Variants in AKAP6 observed in about 807,000 individuals in gnomAD.
The protein encoded by AKAP6 is A-kinase anchoring protein 6.
AKAP6 carries 58 observed loss-of-function variants against 188.5 expected under a neutral mutation model. The observed-to-expected ratio is 0.31, with a 90% CI of 0.25 to 0.38. AKAP6 has a LOEUF of 0.38. AKAP6 is among the 10% of genes least tolerant of loss of function. The probability of loss-of-function intolerance (pLI) is 1.00; values close to 1 mark genes in which losing one functional copy is unlikely to be tolerated. For synonymous variants in AKAP6, 989 were observed against 998.6 expected (o/e 0.99, Z 0.18); for missense variants, 2,710 against 2,740.0 (o/e 0.99, Z 0.24).
chr14:32,743,511 C>T (rs2031765903), intron 11 of AKAP6, among the ~76,000 whole-genome samples: 1 of 151,976 alleles, frequency 6.6e-6, no homozygotes, highest in Admixed American at 6.6e-5. Flanking sequence ...TAGTTTCTTG[C>T]TTTTCATTGT....
intron 4 of AKAP6, among the ~76,000 whole-genome samples, chr14:32,562,077 A>G (rs899302223): frequency 2.0e-5 from 3 of 152,150 alleles, no homozygotes; most frequent in Non-Finnish European, 2.9e-5. Flanking sequence ...GCTGCCTGTA[A>G]TATCTGCTTC....
intron 1 of AKAP6, among the ~76,000 whole-genome samples, chr14:32,364,178 A>G (rs946894513): frequency 2.0e-5 from 3 of 152,244 alleles, no homozygotes; most frequent in African/African-American, 7.2e-5. Context: ...GCTGAGCAGG[A>G]AAACGAAGGA....
At chr14:32,732,846 A>G (rs961178855) in intron 10 of AKAP6, 1 of 604,844 alleles carries the variant, frequency 1.7e-6, no homozygotes, top group Non-Finnish European at 2.9e-6. Context: ...ATGAAAAAGT[A>G]AGTAAAATAT....
At chr14:32,485,482 C>T (rs1254166296) in intron 2 of AKAP6, among the ~76,000 whole-genome samples, 1 of 152,072 alleles carries the variant, frequency 6.6e-6, no homozygotes, top group Non-Finnish European at 1.5e-5. Context: ...CTGTTGTTTC[C>T]TGACTTTTTA....
Position 32,545,764 on chromosome 14 carries a change from C to A in AKAP6, c.1111C>A (p.Arg371=). ...TCCTTGTGAAAATGCAACCCCCAAA[C>A]GAACCATCAGAGATTGCTTTAATTA... is the stretch of plus-strand genomic sequence containing the variant. ...PVPCENATPK[R]TIRDCFNYNE... Residue 371 remains arginine (R), a synonymous_variant, in exon 4 of 14, where the codon CGA becomes AGA. Coordinates refer to ENST00000280979, the MANE Select transcript of AKAP6 (RefSeq NM_004274.5). 1.9e-6 allele frequency: 3 copies of A among 1,614,180 alleles called. 1 individual carries two copies. In the South Asian group the frequency reaches 3.3e-5, roughly 18 times the overall value.
intron 7 of AKAP6, among the ~76,000 whole-genome samples, chr14:32,630,518 G>A (rs137985804): frequency 6.1e-4 from 92 of 151,690 alleles, no homozygotes; most frequent in African/African-American, 2.0e-3. Context: ...AGTAGTTCAG[G>A]GGAAAAAAGG....
At chr14:32,723,106 G>A (rs1455408269) in intron 9 of AKAP6, among the ~76,000 whole-genome samples, 2 of 152,194 alleles carry the variant, frequency 1.3e-5, no homozygotes, top group Non-Finnish European at 2.9e-5. Flanking sequence ...TTAACTGCAA[G>A]TGGCCGAGTA....
chr14:32,522,581 T>A (rs911376745), intron 2 of AKAP6, among the ~76,000 whole-genome samples: 1 of 151,996 alleles, frequency 6.6e-6, no homozygotes, highest in Non-Finnish European at 1.5e-5. Context: ...AACAGACACA[T>A]GAAAAAAATG....
chr14:32,500,507 A>T (rs1329582490), intron 2 of AKAP6, among the ~76,000 whole-genome samples: 1 of 152,170 alleles, frequency 6.6e-6, no homozygotes, highest in Non-Finnish European at 1.5e-5. Flanking sequence ...GAAGGAGGGC[A>T]CACTTACTAT....
At chr14:32,710,991 G>A (rs1447728918) in intron 9 of AKAP6, among the ~76,000 whole-genome samples, 1 of 151,988 alleles carries the variant, frequency 6.6e-6, no homozygotes, top group East Asian at 1.9e-4. Flanking sequence ...TGACCATGTG[G>A]CCAGCATGCC....
chr14:32,574,375 G>A (rs991218004), intron 4 of AKAP6, among the ~76,000 whole-genome samples: 4 of 152,088 alleles, frequency 2.6e-5, no homozygotes, highest in Admixed American at 2.0e-4. Flanking sequence ...GGTGCCATCC[G>A]GAAATGTTCA....
chr14:32,439,728 C>T (rs1890507042), intron 2 of AKAP6, among the ~76,000 whole-genome samples: 1 of 151,856 alleles, frequency 6.6e-6, no homozygotes, highest in South Asian at 2.1e-4. Flanking sequence ...CTTGGATTCT[C>T]ATAAATTCTT....
intron 7 of AKAP6, among the ~76,000 whole-genome samples, chr14:32,673,811 A>G (rs1205660409): frequency 1.3e-5 from 2 of 152,316 alleles, no homozygotes; most frequent in Non-Finnish European, 2.9e-5. Context: ...AGCCCCTGTC[A>G]TGTTCCAGAT....
chr14:32,443,329 G>A (rs1039087400), intron 2 of AKAP6, among the ~76,000 whole-genome samples: 1 of 151,790 alleles, frequency 6.6e-6, no homozygotes. Context: ...AGAGATGGAG[G>A]TTGCAGTGAG....
chr14:32,382,944 C>T (rs905233316), intron 1 of AKAP6, among the ~76,000 whole-genome samples: 1 of 152,074 alleles, frequency 6.6e-6, no homozygotes, highest in African/African-American at 2.4e-5. Flanking sequence ...ACCAGCCTTA[C>T]CCTCTGGACA....
intron 2 of AKAP6, among the ~76,000 whole-genome samples, chr14:32,445,569 G>A (rs1009309044): frequency 3.4e-4 from 52 of 152,042 alleles, no homozygotes; most frequent in Non-Finnish European, 1.0e-4. Context: ...TAGAGACGGG[G>A]TTTTGCCATG....
chr14:32,448,106 G>A (rs1169853669), intron 2 of AKAP6, among the ~76,000 whole-genome samples: 4 of 152,196 alleles, frequency 2.6e-5, no homozygotes, highest in African/African-American at 7.2e-5. Context: ...TTCAGTGGCA[G>A]CTTCTCTTTG....
intron 1 of AKAP6, among the ~76,000 whole-genome samples, chr14:32,417,215 A>G (rs1246676264): frequency 6.6e-6 from 1 of 152,208 alleles, no homozygotes; most frequent in Non-Finnish European, 1.5e-5. Flanking sequence ...TTCTGTCCTC[A>G]TAAAGAGAAA....
At position 32,545,805 on chromosome 14, in the gene AKAP6, C is replaced by T. The variant is rs756740275; in HGVS notation, c.1152C>T (p.Pro384=). Residue 384 remains proline, a synonymous_variant, in exon 4 of 14, where the codon CCC becomes CCT. Coordinates refer to ENST00000280979, the MANE Select transcript of AKAP6 (RefSeq NM_004274.5). The part of the protein sequence containing the change: ...RDCFNYNEDS[P]TQPTLPKRGL... ...GCTTTAATTATAACGAGGACTCTCC[C>T]ACGCAGCCTACATTGCCAAAAAGAG... The T allele has an allele frequency of 1.3e-5, 21 of 1,614,090 alleles. No individual in the cohort carries two copies. In the African/African-American group the frequency reaches 2.1e-4, roughly 16 times the overall value.
Sources: allele counts gnomAD v4.1 joint callset (sites outside exome capture counted in the v4.1 genomes callset), GRCh38; gene constraint gnomAD v4.1.1; transcripts MANE v1.5; gene names NCBI Gene and HGNC (gene_info 2026-07-23, HGNC 2026-07-21).